The following CDK6 variants were observed in gnomAD, a reference collection of about 807,000 sequenced individuals.
CDK6 encodes cyclin dependent kinase 6, also known as cyclin-dependent kinase 6.
A neutral mutation model predicts 37.1 loss-of-function variants in CDK6; 6 were observed. The ratio of observed to expected loss-of-function variants is 0.16; its 90% CI spans 0.09 to 0.32. The LOEUF is 0.32. CDK6 is among the 10% of genes least tolerant of loss of function. CDK6 has a pLI of 1.00. For synonymous variants in CDK6, 160 were observed against 161.3 expected (o/e 0.99, Z 0.06); for missense variants, 224 against 418.9 (o/e 0.53, Z 4.06).
At chr7:92,764,401 T>C (rs549431376) in intron 3 of CDK6, among the ~76,000 whole-genome samples, 1 of 152,242 alleles carries the variant, frequency 6.6e-6, no homozygotes, top group East Asian at 1.9e-4. Context: ...TCTCCTAGAG[T>C]GTTGGGATAA....
chr7:92,780,785 A>C (rs2115813774), intron 2 of CDK6, among the ~76,000 whole-genome samples: 1 of 151,534 alleles, frequency 6.6e-6, no homozygotes, highest in African/African-American at 2.4e-5. Context: ...AAAAACAAAA[A>C]AACAAAAAAC....
At chr7:92,827,332 T>C (rs1389965316) in intron 2 of CDK6, among the ~76,000 whole-genome samples, 1 of 152,140 alleles carries the variant, frequency 6.6e-6, no homozygotes, top group East Asian at 1.9e-4. Flanking sequence ...AGCCAGTAGA[T>C]ATCCAAATTT....
chr7:92,689,519 C>CA (rs1441715044), intron 4 of CDK6, among the ~76,000 whole-genome samples: 1 of 152,070 alleles, frequency 6.6e-6, no homozygotes, highest in African/African-American at 2.4e-5. Flanking sequence ...GGGTTGATTC[C>CA]AAATACCCAT....
At chr7:92,807,124 C>G (rs1800745898) in intron 2 of CDK6, among the ~76,000 whole-genome samples, 1 of 152,114 alleles carries the variant, frequency 6.6e-6, no homozygotes, top group South Asian at 2.1e-4. Flanking sequence ...TTCTTTCTAC[C>G]TAATCTTGAG....
intron 2 of CDK6, among the ~76,000 whole-genome samples, chr7:92,797,645 T>C (rs552041463): frequency 1.3e-5 from 2 of 152,290 alleles, no homozygotes; most frequent in African/African-American, 4.8e-5. Context: ...TGTTTCTGCA[T>C]TTTGACTTTA....
At chr7:92,777,940 T>G (rs188495674) in intron 2 of CDK6, among the ~76,000 whole-genome samples, 13 of 151,582 alleles carry the variant, frequency 8.6e-5, no homozygotes, top group Non-Finnish European at 1.9e-4. Context: ...CTTAAAGAGG[T>G]CCTTCACATC....
At chr7:92,799,445 GC>G (rs1800510219) in intron 2 of CDK6, among the ~76,000 whole-genome samples, 1 of 150,372 alleles carries the variant, frequency 6.7e-6, no homozygotes, top group Non-Finnish European at 1.5e-5. Flanking sequence ...TTTTCTCTCT[GC>G]CCCCTTTTTT....
At chr7:92,754,779 G>C (rs1799272211) in intron 3 of CDK6, among the ~76,000 whole-genome samples, 1 of 152,006 alleles carries the variant, frequency 6.6e-6, no homozygotes, top group South Asian at 2.1e-4. Context: ...CTTCTTGTTT[G>C]TGCTCCCTAA....
intron 2 of CDK6, among the ~76,000 whole-genome samples, chr7:92,802,561 C>T (rs948765847): frequency 2.6e-5 from 4 of 152,192 alleles, no homozygotes; most frequent in Non-Finnish European, 5.9e-5. Flanking sequence ...ATAAAGTGCT[C>T]GTTTACGGTA....
intron 2 of CDK6, among the ~76,000 whole-genome samples, chr7:92,801,618 C>T (rs1245230368): frequency 1.3e-5 from 2 of 151,186 alleles, no homozygotes; most frequent in African/African-American, 4.9e-5. Context: ...ATTCTCTTTC[C>T]CTCCTTCCTT....
At chr7:92,748,821 T>C (rs1394020063) in intron 3 of CDK6, among the ~76,000 whole-genome samples, 1 of 152,150 alleles carries the variant, frequency 6.6e-6, no homozygotes, top group African/African-American at 2.4e-5. Flanking sequence ...CATATCCCAC[T>C]CCCATTCCCC....
chr7:92,680,053 A>C (rs912334267), intron 4 of CDK6, among the ~76,000 whole-genome samples: 6 of 152,000 alleles, frequency 3.9e-5, no homozygotes, highest in Non-Finnish European at 7.4e-5. Flanking sequence ...TATTTAAATG[A>C]AGAATATTAT....
intron 3 of CDK6, among the ~76,000 whole-genome samples, chr7:92,735,041 C>G (rs952162241): frequency 6.6e-6 from 1 of 152,160 alleles, no homozygotes; most frequent in African/African-American, 2.4e-5. Flanking sequence ...TTCCACAGAT[C>G]AAATCACTTT....
rs2116472629 is a variant in CDK6, at chr7:92,613,530, G to GT, written c.*1609dup. 1 of 233,618 alleles carries GT rather than the reference G, an allele frequency of 4.3e-6. No homozygotes were observed. The highest frequency in any genetic ancestry group is 6.0e-5 in the East Asian group (1 of 16,568). 14.5% of individuals were successfully genotyped at this position (233,618 alleles called of 1,614,324 possible). ...AATATAAAGGACTGTAGAGAAAACA[G>GT]TAAGAGAAAAAGGAAAAGCTGTTTA... On this transcript the variant is annotated 3_prime_UTR_variant, in exon 8 of 8. Transcript: ENST00000424848.
chr7:92,768,528 C>T (rs1324650077), intron 3 of CDK6, among the ~76,000 whole-genome samples: 1 of 152,158 alleles, frequency 6.6e-6, no homozygotes, highest in Non-Finnish European at 1.5e-5. Context: ...AAGTAGTTTG[C>T]ATCAAATACC....
chr7:92,609,709 T>C lies in CDK6; in HGVS notation c.*5431A>G, dbSNP rs959032325. On this transcript the variant is annotated 3_prime_UTR_variant, in exon 8 of 8. Coordinates refer to ENST00000424848, the MANE Select transcript of CDK6 (RefSeq NM_001145306.2). ...TTTAACTGGGGCCACTAAAGGAGTT[T>C]TATACTTCTAACGAAACTATCCTGT... 4 of 231,124 alleles carry C rather than the reference T, an allele frequency of 1.7e-5. No homozygotes were observed. The highest frequency in any genetic ancestry group is 3.4e-5 in the Non-Finnish European group (4 of 116,836). 14.3% of individuals were successfully genotyped at this position (231,124 alleles called of 1,614,324 possible). A position where few individuals can be genotyped will look rare whatever the true frequency, so the allele number is the denominator to read the frequency against.
chr7:92,686,091 T>C (rs918822497), intron 4 of CDK6, among the ~76,000 whole-genome samples: 4 of 152,372 alleles, frequency 2.6e-5, no homozygotes, highest in African/African-American at 9.6e-5. Flanking sequence ...GTGATCACAG[T>C]GATATCTAAG....
intron 5 of CDK6, among the ~76,000 whole-genome samples, chr7:92,651,442 A>C (rs377559243): frequency 2.0e-5 from 3 of 152,146 alleles, no homozygotes; most frequent in African/African-American, 7.2e-5. Flanking sequence ...CAAAACAACA[A>C]ACAACAACAA....
At chr7:92,636,815 G>T (rs557903836) in intron 5 of CDK6, among the ~76,000 whole-genome samples, 1 of 152,182 alleles carries the variant, frequency 6.6e-6, no homozygotes. Context: ...ACAGGCATGC[G>T]CCACCATGCT....
Sources: allele counts gnomAD v4.1 joint callset (sites outside exome capture counted in the v4.1 genomes callset), GRCh38; gene constraint gnomAD v4.1.1; transcripts MANE v1.5; gene names NCBI Gene and HGNC (gene_info 2026-07-23, HGNC 2026-07-21).